The following NAV2 variants were observed in gnomAD, a reference collection of about 807,000 sequenced individuals.
The protein encoded by NAV2 is neuron navigator 2.
A neutral mutation model predicts 223.2 loss-of-function variants in NAV2; 54 were observed. That is an observed-to-expected ratio of 0.24 (90% CI 0.19 to 0.30). The LOEUF (loss-of-function observed/expected upper bound fraction) is 0.30. Among genes scored for constraint, NAV2 ranks in the 10% least tolerant of loss-of-function variants. NAV2 has a pLI of 1.00. For missense variants in NAV2, 2,806 were observed against 3,147.5 expected (o/e 0.89, Z 2.60); for synonymous variants, 1,279 against 1,239.3 (o/e 1.03, Z -0.67).
At chr11:19,880,864 C>T (rs1039602814) in intron 5 of NAV2, among the ~76,000 whole-genome samples, 3 of 152,192 alleles carry the variant, frequency 2.0e-5, no homozygotes, top group African/African-American at 7.2e-5. Context: ...AAAAGGAAGA[C>T]TTTAGGAACT....
Position 19,395,181 on chromosome 11 carries a change from G to A in NAV2, c.75+44154G>A, listed in dbSNP as rs183541420. ...AGCATGTGCCCATGTGCACGTGTGA[G>A]GCCATGGCTACACCTGAGTGGGCGC... On this transcript the variant is annotated intron_variant, in intron 1 of 37. Transcript: ENST00000360655. 5.3e-5 allele frequency among the ~76,000 whole-genome samples: 8 copies of A among 152,340 alleles called. No individual in the cohort carries two copies. In the East Asian group the frequency reaches 1.5e-3, roughly 29 times the overall value.
At chr11:20,097,495 A>G (rs1485910900) in intron 30 of NAV2, 82 bp from the exon 31 acceptor site, 38 of 1,138,318 alleles carry the variant, frequency 3.3e-5, no homozygotes, top group Non-Finnish European at 2.4e-5. Context: ...GAATATGATC[A>G]TAAATCACCC....
intron 1 of NAV2, among the ~76,000 whole-genome samples, chr11:19,659,229 A>G (rs928240033): frequency 1.3e-5 from 2 of 152,222 alleles, no homozygotes; most frequent in African/African-American, 4.8e-5. Flanking sequence ...CTCTGGTATG[A>G]AAAGGAGCCA....
chr11:19,713,960 C>A lies in NAV2; in HGVS notation c.265C>A (p.Gln89Lys). The change falls in exon 1 of 38, where the codon CAG (glutamine) becomes AAG (lysine). Residue 89 changes from glutamine (Q) to lysine (K), a missense_variant and splice_region_variant. By Grantham distance (53) the Gln-to-Lys change is moderately conservative. Around this residue, in one of 4 missense-constraint regions of NAV2, gnomAD observed 1,167 missense variants for 1,180.5 expected, o/e 0.99. Coordinates refer to ENST00000349880, the MANE Select transcript of NAV2 (RefSeq NM_145117.5). The surrounding 1 kb of genome is among the most constrained non-coding windows in gnomAD (Gnocchi z 7.2). ...SGSVENGFDT[Q>K]IYTDWANHYL... is the part of the protein sequence containing the mutation. Reference sequence around the variant, plus strand: ...CTCGGTGGAAAACGGGTTCGATACCCAGGTGAGAGATGCCGTTTGCCGGGG... The same window carrying A: ...CTCGGTGGAAAACGGGTTCGATACCAAGGTGAGAGATGCCGTTTGCCGGGG... The A allele has an allele frequency of 6.2e-7, 1 of 1,612,928 alleles. No individual in the cohort carries two copies. The highest frequency in any genetic ancestry group is 1.7e-5 in the Admixed American group (1 of 59,994).
rs202240091 is a variant in NAV2, at chr11:19,459,268, C to T, written c.75+108241C>T. Reference sequence around the variant, plus strand: ...GGGCAACACACTATGCTTTTAAGACCTTGTCTTTTTGCATCTTTCCTCTCT... The same window carrying T: ...GGGCAACACACTATGCTTTTAAGACTTTGTCTTTTTGCATCTTTCCTCTCT... On this transcript the variant is annotated intron_variant, in intron 1 of 37. Transcript: ENST00000360655. Among the ~76,000 whole-genome samples the T allele has an allele frequency of 5.9e-5, 9 of 152,292 alleles. No individual in the cohort carries two copies. In the East Asian group the frequency reaches 1.3e-3, roughly 23 times the overall value.
intron 25 of NAV2, among the ~76,000 whole-genome samples, chr11:20,082,303 C>T (rs564935213): frequency 5.3e-5 from 8 of 152,238 alleles, no homozygotes; most frequent in Non-Finnish European, 8.8e-5. Flanking sequence ...GAATGAGAAG[C>T]ACAGGAAGGT....
At chr11:20,083,205 A>T in intron 26 of NAV2, 26 bp downstream of exon 26, 1 of 1,592,926 alleles carries the variant, frequency 6.3e-7, no homozygotes, top group Non-Finnish European at 8.6e-7. Context: ...TAGTCAGATA[A>T]CATCTTTGGC....
rs1290187389 is a variant in NAV2 at position 20,097,071 on chromosome 11, G to A, written c.6013-506G>A. On this transcript the variant is annotated intron_variant, in intron 30 of 37. Transcript: ENST00000349880. ...AACCTTTTGTTCACTCAACTAAGAG[G>A]GAACACTTTCCAAATTAAACACACG... 2.0e-5 allele frequency among the ~76,000 whole-genome samples: 3 copies of A among 152,122 alleles called. No individual in the cohort carries two copies. The South Asian group carries it at 6.2e-4, about 32-fold the overall frequency.
intron 11 of NAV2, among the ~76,000 whole-genome samples, chr11:19,987,382 AAGCAAT>A (rs1039027132): frequency 6.6e-6 from 1 of 152,232 alleles, no homozygotes; most frequent in African/African-American, 2.4e-5. Flanking sequence ...ATTCACACAT[AAGCAAT>A]AGACCACATG....
chr11:19,890,661 C>T (rs1858725735), intron 5 of NAV2, among the ~76,000 whole-genome samples: 1 of 152,216 alleles, frequency 6.6e-6, no homozygotes, highest in South Asian at 2.1e-4. Flanking sequence ...CAGATCTTCA[C>T]CTGCAGAAGC....
At position 19,532,932 on chromosome 11, in the gene NAV2, C is replaced by G. The variant is rs546368790; in HGVS notation, c.75+181905C>G. ...GTTGGAGTGTAGAGGTAACTCATCCCCAATCCTGTGGACTCTCGGTTTAGT... is the reference window on the plus strand; with the variant it reads ...GTTGGAGTGTAGAGGTAACTCATCCGCAATCCTGTGGACTCTCGGTTTAGT... On this transcript the variant is annotated intron_variant, in intron 1 of 37. Coordinates refer to the NAV2 transcript ENST00000360655. 1.4e-4 allele frequency among the ~76,000 whole-genome samples: 21 copies of G among 152,270 alleles called. No individual in the cohort carries two copies. In the South Asian group the frequency reaches 3.1e-3, roughly 23 times the overall value.
intron 1 of NAV2, among the ~76,000 whole-genome samples, chr11:19,418,296 T>C (rs1052521648): frequency 4.3e-4 from 65 of 152,240 alleles, no homozygotes; most frequent in Middle Eastern, 3.4e-3. Context: ...AAGTTCTACA[T>C]TGCATCTGCT....
At chr11:19,942,249 C>T (rs774485298) in intron 8 of NAV2, among the ~76,000 whole-genome samples, 9 of 152,208 alleles carry the variant, frequency 5.9e-5, no homozygotes, top group South Asian at 2.1e-4. Flanking sequence ...CAGTTTAGAA[C>T]GTGATCACCT....
intron 1 of NAV2, among the ~76,000 whole-genome samples, chr11:19,369,513 CTG>C (rs2133847515): frequency 6.6e-6 from 1 of 152,232 alleles, no homozygotes; most frequent in African/African-American, 2.4e-5. Context: ...TTCATGGAGA[CTG>C]AGGGTTTTAA....
At chr11:19,638,471 A>T (rs972457432) in intron 1 of NAV2, among the ~76,000 whole-genome samples, 1 of 152,220 alleles carries the variant, frequency 6.6e-6, no homozygotes, top group African/African-American at 2.4e-5. Context: ...CCAGTTACTA[A>T]CCATGTGATT....
At chr11:19,792,574 A>T (rs1320590074) in intron 1 of NAV2, among the ~76,000 whole-genome samples, 2 of 152,186 alleles carry the variant, frequency 1.3e-5, no homozygotes, top group Non-Finnish European at 2.9e-5. Flanking sequence ...GGAAGCTGGG[A>T]GGAAAAGGCC....
At position 19,879,936 on chromosome 11, in the gene NAV2, G is replaced by C. The variant is rs752637787; in HGVS notation, c.579G>C (p.Gln193His). 6.2e-7 allele frequency: 1 copy of C among 1,613,556 alleles called. No homozygotes were observed. The highest frequency in any genetic ancestry group is 8.5e-7 in the Non-Finnish European group (1 of 1,180,022). The change falls in exon 5 of 38, where the codon CAG (glutamine) becomes CAC (histidine). Residue 193 changes from glutamine to histidine, a missense_variant. Gln to His is a conservative substitution (Grantham distance 24). This residue lies in a region of NAV2 where 1,167 missense variants were observed against 1,180.5 expected (regional missense o/e 0.99). Coordinates refer to ENST00000349880, the MANE Select transcript of NAV2 (RefSeq NM_145117.5). ...TCAGCCTCTCCCGATACAAGCAGCA[G>C]CAGCAGCAGCCCCAGAAGCAGCACC... Reference protein sequence around the residue: ...LFFSLSRYKQQQQQPQKQHLS... With the variant: ...LFFSLSRYKQHQQQPQKQHLS...
chr11:19,727,823 A>G (rs192006978), intron 1 of NAV2, among the ~76,000 whole-genome samples: 2 of 152,340 alleles, frequency 1.3e-5, no homozygotes, highest in East Asian at 3.9e-4. Context: ...GGCATGGACC[A>G]CCACAGGTGG....
At chr11:19,351,246 G>T (rs569855965) in intron 1 of NAV2, among the ~76,000 whole-genome samples, 1 of 152,268 alleles carries the variant, frequency 6.6e-6, no homozygotes, top group African/African-American at 2.4e-5. Flanking sequence ...ATTCAGTCCT[G>T]GCAGCCAAAA....
Sources: gnomAD v4.1 joint callset for allele counts (sites outside exome capture counted in the v4.1 genomes callset) on GRCh38, gnomAD v4.1.1 for gene constraint, gnomAD v4.1.1 regional missense constraint, Gnocchi (gnomAD v3.1) non-coding constraint, MANE v1.5 for transcripts, NCBI Gene and HGNC (gene_info 2026-07-23, HGNC 2026-07-21) for gene names.